Variants in THAP5 observed in about 807,000 individuals in gnomAD.
The protein encoded by THAP5 is THAP domain-containing protein 5.
In THAP5, 26 loss-of-function variants were observed where a neutral mutation model predicts 34.0. The observed-to-expected ratio is 0.77, with a 90% CI of 0.56 to 1.06. THAP5 has a LOEUF of 1.06. Among genes scored for constraint, THAP5 ranks in the 50% least tolerant of loss-of-function variants. The pLI is 0.00. For missense variants in THAP5, 394 were observed against 452.8 expected, an observed-to-expected ratio of 0.87 and a Z score of 1.18; for synonymous variants, 125 against 153.0, an observed-to-expected ratio of 0.82 and a Z score of 1.35.
chr7:108,567,618 T>C (rs892522235), intron 1 of THAP5, among the ~76,000 whole-genome samples: 3 of 152,196 alleles, frequency 2.0e-5, no homozygotes, highest in Non-Finnish European at 4.4e-5. Flanking sequence ...TTTGTTTCAT[T>C]GTCTTATGTA....
the THAP5 span, among the ~76,000 whole-genome samples, chr7:108,544,876 C>T: frequency 3.9e-5 from 6 of 152,152 alleles, no homozygotes; most frequent in East Asian, 9.7e-4. Flanking sequence ...CCAGGCTGGT[C>T]TTGAACTCCT....
chr7:108,560,377 G>A (rs190145640), downstream of THAP5, among the ~76,000 whole-genome samples: 11 of 152,326 alleles, frequency 7.2e-5, no homozygotes, highest in Admixed American at 7.2e-4. Context: ...AGATGAGTCT[G>A]TTCTATACCA....
At chr7:108,545,550 C>A in the THAP5 span, among the ~76,000 whole-genome samples, 1 of 152,020 alleles carries the variant, frequency 6.6e-6, no homozygotes, top group African/African-American at 2.4e-5. Flanking sequence ...AGAATAAAAT[C>A]CTAATCAAGA....
At chr7:108,552,952 T>G (rs1284735078), downstream of THAP5, among the ~76,000 whole-genome samples, 1 of 152,198 alleles carries the variant, frequency 6.6e-6, no homozygotes, top group African/African-American at 2.4e-5. Context: ...AGCTTGTACA[T>G]AGATTTCTGT....
At chr7:108,569,311 A>C (rs1200131861) in intron 1 of THAP5, 179 bp downstream of exon 1, 4 of 1,448,990 alleles carry the variant, frequency 2.8e-6, no homozygotes, top group African/African-American at 2.9e-5. Context: ...TCCTCGCGCA[A>C]GAAGGGCATT....
In THAP5 at chr7:108,569,561, G is replaced by C. The variant is rs1790566235; in HGVS notation, c.9C>G (p.Arg3=). The change falls in exon 1 of 3, where the codon CGC becomes CGG. Residue 3 remains arginine (R), a synonymous_variant. Transcript: ENST00000415914. ...TCTTACAACAAATCGCTGCGCAATA[G>C]CGGGGCATGACTCGGGTGAGGCCCC... is the stretch of plus-strand genomic sequence containing the variant. The part of the protein sequence containing the change: MP[R]YCAAICCKNR... 2.6e-6 allele frequency: 4 copies of C among 1,551,530 alleles called. No individual in the cohort carries two copies. Among genetic ancestry groups the C allele is most frequent in the South Asian group, 2.4e-5 (2 of 84,072 alleles).
the THAP5 span, among the ~76,000 whole-genome samples, chr7:108,545,480 T>C: frequency 6.6e-6 from 1 of 152,212 alleles, no homozygotes; most frequent in Non-Finnish European, 1.5e-5. Flanking sequence ...TTACAGACAA[T>C]TTTAGGAATA....
At chr7:108,555,408 T>C (rs1864379113) in intron 1 of THAP5, among the ~76,000 whole-genome samples, 1 of 152,118 alleles carries the variant, frequency 6.6e-6, no homozygotes, top group Non-Finnish European at 1.5e-5. Context: ...CCTCAAGCGA[T>C]GCACCCACCT....
downstream of THAP5, among the ~76,000 whole-genome samples, chr7:108,559,352 C>G (rs967028876): frequency 6.6e-6 from 1 of 152,112 alleles, no homozygotes; most frequent in Non-Finnish European, 1.5e-5. Context: ...TCTTATTAGA[C>G]GAAGGTGTAG....
At chr7:108,565,660 G>GT (rs1790470629) in intron 2 of THAP5, 170 bp downstream of exon 2, 1 of 499,002 alleles carries the variant, frequency 2.0e-6, no homozygotes, top group African/African-American at 2.0e-5. Flanking sequence ...TGCTTCATGA[G>GT]TTTAATTTTT....
downstream of THAP5, among the ~76,000 whole-genome samples, chr7:108,561,913 A>AGAATGATTATTATGGT (rs1241907921): frequency 2.0e-5 from 3 of 152,338 alleles, no homozygotes; most frequent in African/African-American, 7.2e-5. Context: ...GTTTTACCGG[A>AGAATGATTATTATGGT]GAATGATTAT....
At chr7:108,557,087 C>G (rs912815453) in intron 1 of THAP5, among the ~76,000 whole-genome samples, 4 of 152,372 alleles carry the variant, frequency 2.6e-5, no homozygotes, top group Non-Finnish European at 5.9e-5. Flanking sequence ...GCTGGAGCAG[C>G]TAGGATGCAG....
downstream of THAP5, among the ~76,000 whole-genome samples, chr7:108,561,973 C>T (rs570344285): frequency 1.3e-5 from 2 of 152,268 alleles, no homozygotes; most frequent in Admixed American, 6.5e-5. Context: ...AGAAAGGGTA[C>T]TGTTTTTCAG....
the THAP5 span, among the ~76,000 whole-genome samples, chr7:108,549,023 A>G: frequency 2.6e-5 from 4 of 151,576 alleles, no homozygotes; most frequent in East Asian, 1.9e-4. Flanking sequence ...TCCAGAGTCA[A>G]CCGCTTCTAA....
In THAP5 at chr7:108,566,062, T is replaced by C. The variant is rs144439556; in HGVS notation, c.81-40A>G. ...AAAAAGAAGAAAAAAGGAAAAACTTTGCTATATTTTTACAATTTTGCCAAA... is the reference window on the plus strand; with the variant it reads ...AAAAAGAAGAAAAAAGGAAAAACTTCGCTATATTTTTACAATTTTGCCAAA... On this transcript the variant is annotated intron_variant, in intron 1 of 2. Transcript: ENST00000415914. The C allele has an allele frequency of 4.0e-5, 59 of 1,477,046 alleles. No individual in the cohort carries two copies. The African/African-American group carries it at 7.6e-4, about 19-fold the overall frequency. The allele number at this position is 1,477,046 out of a possible 1,614,324, so 91.5% of individuals were successfully genotyped here.
downstream of THAP5, among the ~76,000 whole-genome samples, chr7:108,561,950 T>G (rs752273140): frequency 7.9e-5 from 12 of 152,186 alleles, no homozygotes; most frequent in Non-Finnish European, 1.6e-4. Flanking sequence ...AGAGTAAGGA[T>G]GGACGTGAAT....
At chr7:108,558,935 A>C (rs1864407633), downstream of THAP5, among the ~76,000 whole-genome samples, 1 of 152,254 alleles carries the variant, frequency 6.6e-6, no homozygotes, top group African/African-American at 2.4e-5. Flanking sequence ...ATAGTTTAAA[A>C]GACATCTATA....
At chr7:108,550,342 A>G (rs1864345823), downstream of THAP5, among the ~76,000 whole-genome samples, 1 of 152,218 alleles carries the variant, frequency 6.6e-6, no homozygotes, top group African/African-American at 2.4e-5. Context: ...TTAAAAAATA[A>G]TGTGCCTTGG....
chr7:108,564,142 T>C lies in THAP5; in HGVS notation c.*49A>G. 1.4e-6 allele frequency: 2 copies of C among 1,429,196 alleles called. No individual in the cohort carries two copies. The highest frequency in any genetic ancestry group is 1.9e-6 in the Non-Finnish European group (2 of 1,057,522). The allele number at this position is 1,429,196 out of a possible 1,614,324, so 88.5% of individuals were successfully genotyped here. A position where few individuals can be genotyped will look rare whatever the true frequency, so the allele number is the denominator to read the frequency against. On this transcript the variant is annotated 3_prime_UTR_variant, in exon 3 of 3. Transcript: ENST00000415914. ...AGTTCACTTTACATGTAGTTTGGTT[T>C]GGCTGGAAAAAGCTTATTTAACAGC... is the stretch of plus-strand genomic sequence containing the variant.
Sources: gnomAD v4.1 joint callset for allele counts (sites outside exome capture counted in the v4.1 genomes callset) on GRCh38, gnomAD v4.1.1 for gene constraint, MANE v1.5 for transcripts, NCBI Gene and HGNC (gene_info 2026-07-23, HGNC 2026-07-21) for gene names.